Variants in SCHIP1 observed in about 807,000 individuals in gnomAD.
SCHIP1 encodes schwannomin-interacting protein 1.
In SCHIP1, 8 loss-of-function variants were observed where a neutral mutation model predicts 29.7. That is an observed-to-expected ratio of 0.27 (90% CI 0.16 to 0.49). The LOEUF is 0.49. Among genes scored for constraint, SCHIP1 ranks in the 20% least tolerant of loss-of-function variants. The pLI, the probability that SCHIP1 is intolerant of heterozygous loss-of-function variation, is 0.99. For synonymous variants in SCHIP1, 76 were observed against 94.9 expected (o/e 0.80, Z 1.16); for missense variants, 193 against 294.6 (o/e 0.66, Z 2.52).
At chr3:159,626,141 T>TAGATAGATAGATCGATCG in the SCHIP1 span, among the ~76,000 whole-genome samples, 1 of 95,628 alleles carries the variant, frequency 1.0e-5, no homozygotes, top group Non-Finnish European at 1.8e-5. Context: ...TAGATAGATA[T>TAGATAGATAGATCGATCG]ATCTAGATAT....
the SCHIP1 span, among the ~76,000 whole-genome samples, chr3:159,314,113 G>A: frequency 1.2e-4 from 18 of 152,226 alleles, no homozygotes; most frequent in African/African-American, 4.3e-4. Context: ...AGATATTCAG[G>A]GAGATAGTTT....
At chr3:159,523,895 A>G in the SCHIP1 span, among the ~76,000 whole-genome samples, 1 of 152,206 alleles carries the variant, frequency 6.6e-6, no homozygotes, top group African/African-American at 2.4e-5. Context: ...GCCTCCTCAA[A>G]TTCAGAACTG....
At chr3:159,777,374 G>A in the SCHIP1 span, among the ~76,000 whole-genome samples, 1 of 152,020 alleles carries the variant, frequency 6.6e-6, no homozygotes, top group Non-Finnish European at 1.5e-5. Flanking sequence ...AAGGAGTGTT[G>A]CTCTTATTTA....
At chr3:159,544,902 T>C in the SCHIP1 span, among the ~76,000 whole-genome samples, 7 of 152,122 alleles carry the variant, frequency 4.6e-5, no homozygotes, top group African/African-American at 1.2e-4. Context: ...GTTTCCTTTT[T>C]AAGAAATCTT....
intron 1 of SCHIP1, among the ~76,000 whole-genome samples, chr3:159,846,203 G>A (rs1485839979): frequency 6.6e-6 from 1 of 152,160 alleles, no homozygotes; most frequent in African/African-American, 2.4e-5. Context: ...CTGCCTTATA[G>A]AGGGATAATT....
chr3:159,301,228 A>G, the SCHIP1 span, among the ~76,000 whole-genome samples: 2 of 152,134 alleles, frequency 1.3e-5, no homozygotes, highest in African/African-American at 4.8e-5. Flanking sequence ...TAAAAACAGA[A>G]GGGCTAAGTG....
At chr3:159,627,338 C>T in the SCHIP1 span, among the ~76,000 whole-genome samples, 9 of 152,142 alleles carry the variant, frequency 5.9e-5, no homozygotes, top group African/African-American at 2.2e-4. Context: ...CATGGTGAGG[C>T]AAATATATTT....
At chr3:159,578,176 A>G in the SCHIP1 span, among the ~76,000 whole-genome samples, 1 of 152,140 alleles carries the variant, frequency 6.6e-6, no homozygotes. Flanking sequence ...CTCAGGCAAA[A>G]TGGGTTATAC....
chr3:159,280,049 G>C, the SCHIP1 span, among the ~76,000 whole-genome samples: 2 of 152,112 alleles, frequency 1.3e-5, no homozygotes, highest in Admixed American at 1.3e-4. Flanking sequence ...CTTCTATAAT[G>C]GGGGGTAGAG....
At chr3:159,384,846 A>G in the SCHIP1 span, among the ~76,000 whole-genome samples, 155 of 152,222 alleles carry the variant, frequency 1.0e-3, 2 homozygotes, top group South Asian at 0.024. Flanking sequence ...GGGAGGGTGT[A>G]TTTGTCAAGG....
chr3:159,376,051 AGAG>A, the SCHIP1 span, among the ~76,000 whole-genome samples: 15 of 152,196 alleles, frequency 9.9e-5, no homozygotes, highest in Admixed American at 2.0e-4. Flanking sequence ...CTATTCAAAC[AGAG>A]GAGGAGTGCC....
the SCHIP1 span, among the ~76,000 whole-genome samples, chr3:159,820,537 C>A: frequency 2.6e-4 from 40 of 152,172 alleles, no homozygotes; most frequent in African/African-American, 9.4e-4. Context: ...ATTTAACTTT[C>A]AGTCTGTCTG....
At chr3:159,328,659 G>C in the SCHIP1 span, among the ~76,000 whole-genome samples, 3 of 152,188 alleles carry the variant, frequency 2.0e-5, no homozygotes, top group African/African-American at 7.2e-5. Flanking sequence ...TAGCCTGGCT[G>C]GAGTGTGCTG....
the SCHIP1 span, chr3:159,306,767 T>A: frequency 6.5e-6 from 1 of 154,810 alleles, no homozygotes; most frequent in East Asian, 1.9e-4. Context: ...TCTGATCTTC[T>A]GATGATTCTG....
chr3:159,822,963 G>A, the SCHIP1 span, among the ~76,000 whole-genome samples: 1 of 152,046 alleles, frequency 6.6e-6, no homozygotes, highest in African/African-American at 2.4e-5. Flanking sequence ...CATAGGAGAA[G>A]GCAGTGCCTT....
chr3:159,326,611 A>G, the SCHIP1 span, among the ~76,000 whole-genome samples: 6 of 152,170 alleles, frequency 3.9e-5, no homozygotes, highest in African/African-American at 1.2e-4. Flanking sequence ...TGAAGATGAT[A>G]TTAAGGTTAG....
the SCHIP1 span, chr3:159,763,853 G>T: frequency 6.6e-6 from 1 of 152,158 alleles, no homozygotes; most frequent in African/African-American, 2.4e-5. Flanking sequence ...ACGCGGAGGC[G>T]GGAGTGAGAC....
chr3:159,542,725 C>G, the SCHIP1 span, among the ~76,000 whole-genome samples: 7 of 151,978 alleles, frequency 4.6e-5, no homozygotes, highest in African/African-American at 1.4e-4. Flanking sequence ...TATCCTCTCA[C>G]AAAGGAATTT....
chr3:159,842,875 C>T (rs548193837), intron 1 of SCHIP1, among the ~76,000 whole-genome samples: 1 of 151,906 alleles, frequency 6.6e-6, no homozygotes, highest in African/African-American at 2.4e-5. Flanking sequence ...ATATTGTCGC[C>T]TCTACCCCCA....
Sources: gnomAD v4.1 joint callset for allele counts (sites outside exome capture counted in the v4.1 genomes callset) on GRCh38, gnomAD v4.1.1 for gene constraint, MANE v1.5 for transcripts, NCBI Gene and HGNC (gene_info 2026-07-23, HGNC 2026-07-21) for gene names.